The following AFG1L variants were observed in gnomAD, a reference collection of about 807,000 sequenced individuals.
AFG1L encodes AFG1-like ATPase.
In AFG1L, 53 loss-of-function variants were observed where a neutral mutation model predicts 62.2. The observed-to-expected ratio is 0.85, with a 90% confidence interval of 0.68 to 1.07. The LOEUF is 1.07. Among genes scored for constraint, AFG1L ranks in the 50% least tolerant of loss-of-function variants. The probability of loss-of-function intolerance (pLI) is 0.00; values close to 1 mark genes in which losing one functional copy is unlikely to be tolerated. For missense variants in AFG1L, 555 were observed against 590.5 expected (o/e 0.94, Z 0.62); for synonymous variants, 228 against 210.3 (o/e 1.08, Z -0.73).
chr6:108,310,575 C>CTTTTT (rs79088170), intron 1 of AFG1L, among the ~76,000 whole-genome samples: 1 of 132,556 alleles, frequency 7.5e-6, no homozygotes, highest in African/African-American at 2.9e-5. Context: ...TTTTCACCTT[C>CTTTTT]TTTTTTTTTT....
chr6:108,372,804 G>A (rs1314246798), intron 6 of AFG1L: 1 of 153,734 alleles, frequency 6.5e-6, no homozygotes, highest in Admixed American at 6.5e-5. Context: ...AAGATAAAAA[G>A]AGTGATTCTC....
chr6:108,459,556 C>T (rs954976883), intron 8 of AFG1L, among the ~76,000 whole-genome samples: 2 of 152,156 alleles, frequency 1.3e-5, no homozygotes, highest in Non-Finnish European at 2.9e-5. Flanking sequence ...GACCATTATT[C>T]TGAAAAATTG....
intron 1 of AFG1L, among the ~76,000 whole-genome samples, chr6:108,308,708 T>A (rs1777296568): frequency 6.6e-6 from 1 of 151,690 alleles, no homozygotes; most frequent in Admixed American, 6.6e-5. Context: ...ATTATTTATT[T>A]ATTTATTTAT....
chr6:108,413,806 A>G (rs1157690806), intron 7 of AFG1L, among the ~76,000 whole-genome samples: 1 of 152,212 alleles, frequency 6.6e-6, no homozygotes. Context: ...AATGCCCACA[A>G]GAGAAAGCAG....
chr6:108,484,758 G>A (rs902906170), intron 10 of AFG1L, among the ~76,000 whole-genome samples: 4 of 152,128 alleles, frequency 2.6e-5, no homozygotes, highest in African/African-American at 9.7e-5. Flanking sequence ...AAAGTAAGAT[G>A]TACATAAGTA....
chr6:108,410,596 C>T (rs558130546), intron 7 of AFG1L, among the ~76,000 whole-genome samples: 1 of 152,158 alleles, frequency 6.6e-6, no homozygotes, highest in South Asian at 2.1e-4. Flanking sequence ...AGTGAAGTTT[C>T]CTGAATAAAC....
At chr6:108,466,218 G>C (rs1192781969) in intron 8 of AFG1L, among the ~76,000 whole-genome samples, 1 of 152,130 alleles carries the variant, frequency 6.6e-6, no homozygotes, top group Non-Finnish European at 1.5e-5. Flanking sequence ...AGTATAAATT[G>C]CTACAACCAA....
intron 6 of AFG1L, among the ~76,000 whole-genome samples, chr6:108,375,890 C>T (rs769523605): frequency 9.2e-5 from 14 of 152,008 alleles, no homozygotes; most frequent in African/African-American, 1.2e-4. Context: ...GAATTGGTAC[C>T]GGCTCTTCTT....
At chr6:108,421,635 C>T (rs1052833576) in intron 7 of AFG1L, among the ~76,000 whole-genome samples, 11 of 152,168 alleles carry the variant, frequency 7.2e-5, no homozygotes, top group East Asian at 3.9e-4. Flanking sequence ...CTGCACCCCC[C>T]CTGTCTGCTT....
At chr6:108,324,754 C>T (rs1480675861) in intron 2 of AFG1L, among the ~76,000 whole-genome samples, 5 of 151,286 alleles carry the variant, frequency 3.3e-5, no homozygotes, top group African/African-American at 4.9e-5. Flanking sequence ...TGCAGTGGCA[C>T]GATATCTTGG....
chr6:108,338,765 A>T (rs1469315133), intron 2 of AFG1L, among the ~76,000 whole-genome samples: 1 of 152,228 alleles, frequency 6.6e-6, no homozygotes, highest in Non-Finnish European at 1.5e-5. Flanking sequence ...AGAAAACCCT[A>T]CTTGCTTCAT....
chr6:108,450,175 A>G (rs1040443356), intron 8 of AFG1L, among the ~76,000 whole-genome samples: 5 of 152,248 alleles, frequency 3.3e-5, no homozygotes, highest in African/African-American at 1.2e-4. Context: ...AGGAGTCGCC[A>G]CACTGACTTC....
intron 7 of AFG1L, among the ~76,000 whole-genome samples, chr6:108,407,394 C>A (rs1245239634): frequency 7.2e-5 from 11 of 152,062 alleles, no homozygotes; most frequent in Admixed American, 7.2e-4. Flanking sequence ...ATATATGAGT[C>A]AAAGATAAAC....
At chr6:108,468,741 G>A (rs1259646591) in intron 8 of AFG1L, among the ~76,000 whole-genome samples, 3 of 133,886 alleles carry the variant, frequency 2.2e-5, no homozygotes, top group Non-Finnish European at 4.8e-5. Flanking sequence ...ATGTTCTTTT[G>A]TTTTCTCTTC....
intron 2 of AFG1L, among the ~76,000 whole-genome samples, chr6:108,326,572 A>G (rs1403466590): frequency 1.3e-5 from 2 of 152,172 alleles, no homozygotes; most frequent in Admixed American, 6.5e-5. Context: ...TTTTCCTTTA[A>G]TTGACTTTCC....
intron 1 of AFG1L, among the ~76,000 whole-genome samples, chr6:108,296,789 A>G (rs981664743): frequency 6.6e-6 from 1 of 152,232 alleles, no homozygotes; most frequent in Non-Finnish European, 1.5e-5. Flanking sequence ...AAGGAGCATC[A>G]TTATAACATA....
intron 5 of AFG1L, chr6:108,359,471 C>G (rs1015682093): frequency 2.0e-5 from 3 of 152,186 alleles, no homozygotes; most frequent in Non-Finnish European, 4.4e-5. Flanking sequence ...TGATAGAGAT[C>G]CCTGTTATTG....
intron 10 of AFG1L, among the ~76,000 whole-genome samples, chr6:108,509,385 A>G (rs1774544506): frequency 6.6e-6 from 1 of 152,186 alleles, no homozygotes; most frequent in South Asian, 2.1e-4. Flanking sequence ...GTTGGACTTG[A>G]ATAATTGTAC....
intron 3 of AFG1L, among the ~76,000 whole-genome samples, chr6:108,349,772 CTGAGCATGGTGGTG>C (rs1441281972): frequency 6.6e-6 from 1 of 151,924 alleles, no homozygotes; most frequent in African/African-American, 2.4e-5. Flanking sequence ...AAAAAATTAG[CTGAGCATGGTGGTG>C]TGTGCCTGTG....
Sources: allele counts gnomAD v4.1 joint callset (sites outside exome capture counted in the v4.1 genomes callset), GRCh38; gene constraint gnomAD v4.1.1; transcripts MANE v1.5; gene names NCBI Gene and HGNC (gene_info 2026-07-23, HGNC 2026-07-21).